Variants in TNRC6A observed in about 807,000 individuals in gnomAD.
The protein encoded by TNRC6A is trinucleotide repeat containing adaptor 6A.
TNRC6A carries 44 observed loss-of-function variants against 221.2 expected under a neutral mutation model. The ratio of observed to expected loss-of-function variants is 0.20; its 90% confidence interval spans 0.16 to 0.26. The LOEUF is 0.26. Ranked by LOEUF, TNRC6A falls within the 10% of genes least tolerant of loss-of-function variation. TNRC6A has a pLI of 1.00. For synonymous variants in TNRC6A, 847 were observed against 838.5 expected (o/e 1.01, Z -0.18); for missense variants, 2,199 against 2,404.4 (o/e 0.91, Z 1.79).
rs113020273 is a variant in TNRC6A at position 24,721,160 on chromosome 16, T to A, written n.403-29566T>A. On this transcript the variant is annotated intron_variant and non_coding_transcript_variant, in intron 2 of 2. Coordinates refer to the TNRC6A transcript ENST00000566108. ...ACTAGAACTCTTGATGAGGTTGAGA[T>A]GCAACCGGGTACAACCATTTTAGAC... is the stretch of plus-strand genomic sequence containing the variant. 7.9e-5 allele frequency among the ~76,000 whole-genome samples: 12 copies of A among 152,332 alleles called. 1 individual carries two copies. The highest frequency in any genetic ancestry group is 2.6e-4 in the African/African-American group (11 of 41,586).
intron 2 of TNRC6A, among the ~76,000 whole-genome samples, chr16:24,656,466 C>CA (rs71156432): frequency 0.74 from 90,505 of 122,666 alleles, 33,287 homozygotes; most frequent in East Asian, 0.84. Flanking sequence ...GACTCCATCT[C>CA]AAAAAAAAAA....
intron 2 of TNRC6A, among the ~76,000 whole-genome samples, chr16:24,697,946 G>A (rs1168472333): frequency 6.6e-6 from 1 of 151,076 alleles, no homozygotes; most frequent in Non-Finnish European, 1.5e-5. Context: ...GACTGAAGCA[G>A]GAGAATCACT....
At chr16:24,610,963 G>A (rs1808535) in intron 1 of TNRC6A, among the ~76,000 whole-genome samples, 93,295 of 151,652 alleles carry the variant, frequency 0.62, 29,556 homozygotes, top group Non-Finnish European at 0.68. Flanking sequence ...GGCGCCCACC[G>A]CCACACCCGT....
At chr16:24,664,918 G>C (rs992111573) in intron 2 of TNRC6A, 8 of 455,960 alleles carry the variant, frequency 1.8e-5, no homozygotes, top group South Asian at 1.2e-4. Context: ...CGGAAGTGAC[G>C]ACAGACAGAA....
chr16:24,617,579 C>A (rs1043844257), intron 1 of TNRC6A, among the ~76,000 whole-genome samples: 3 of 151,980 alleles, frequency 2.0e-5, no homozygotes, highest in African/African-American at 7.3e-5. Flanking sequence ...TAGCACTTAC[C>A]CTGTGTCAAG....
chr16:24,815,776 C>T (rs891628193), intron 19 of TNRC6A: 6 of 169,334 alleles, frequency 3.5e-5, no homozygotes, highest in African/African-American at 1.2e-4. Context: ...TGGCGTGAAC[C>T]CGGGAGGCAG....
At chr16:24,691,779 A>C (rs375801781) in intron 2 of TNRC6A, among the ~76,000 whole-genome samples, 205 of 150,054 alleles carry the variant, frequency 1.4e-3, no homozygotes, top group African/African-American at 4.8e-3. Flanking sequence ...AGAAAGAAAA[A>C]GAAATAAAAG....
chr16:24,684,168 G>A (rs1196688439), intron 2 of TNRC6A, among the ~76,000 whole-genome samples: 1 of 152,162 alleles, frequency 6.6e-6, no homozygotes, highest in Non-Finnish European at 1.5e-5. Flanking sequence ...GGAGACTGAG[G>A]TGGGAGGATT....
intron 3 of TNRC6A, among the ~76,000 whole-genome samples, chr16:24,753,612 T>G (rs968912423): frequency 1.3e-5 from 2 of 152,174 alleles, no homozygotes; most frequent in Admixed American, 1.3e-4. Context: ...ATAGCCCATA[T>G]GAGGAATTGT....
intron 2 of TNRC6A, among the ~76,000 whole-genome samples, chr16:24,738,423 A>G (rs1280316641): frequency 6.6e-6 from 1 of 152,002 alleles, no homozygotes; most frequent in Non-Finnish European, 1.5e-5. Flanking sequence ...CTTCACCCAA[A>G]AACCCCATAA....
At chr16:24,776,332 C>T (rs2057717157) in intron 4 of TNRC6A, 3 of 984,342 alleles carry the variant, frequency 3.0e-6, no homozygotes, top group East Asian at 1.1e-4. Context: ...TCATAGATAA[C>T]GTTATCTTTG....
At chr16:24,801,740 G>A (rs1432311776) in intron 11 of TNRC6A, among the ~76,000 whole-genome samples, 3 of 152,084 alleles carry the variant, frequency 2.0e-5, no homozygotes, top group Admixed American at 1.3e-4. Context: ...CTCCCAAAGC[G>A]CTGAGATTAC....
intron 1 of TNRC6A, among the ~76,000 whole-genome samples, chr16:24,634,697 A>G (rs1318547112): frequency 2.0e-5 from 3 of 152,192 alleles, no homozygotes; most frequent in Non-Finnish European, 4.4e-5. Flanking sequence ...TGAGGTTACA[A>G]GTCCAGGAAC....
rs117241966 is a variant in TNRC6A, at chr16:24,748,361, C to T, written c.54-2365C>T. Among the ~76,000 whole-genome samples, 1,293 of 152,270 alleles carry T rather than the reference C, an allele frequency of 8.5e-3. 11 individuals carry two copies. Among genetic ancestry groups the T allele is most frequent in the Non-Finnish European group, 0.014 (950 of 68,012 alleles). ...ACTCTGCTGCTCTCATATGCTGTGG[C>T]TTTCTTGCTCCTTGACTTCCCTGGG... On this transcript the variant is annotated intron_variant, in intron 2 of 24. Coordinates refer to ENST00000395799, the MANE Select transcript of TNRC6A (RefSeq NM_014494.4).
intron 2 of TNRC6A, among the ~76,000 whole-genome samples, chr16:24,669,967 T>TTTTTTTTTTTTTTG (rs2055259830): frequency 8.6e-6 from 1 of 116,886 alleles, no homozygotes; most frequent in Admixed American, 9.8e-5. Flanking sequence ...TTTTTTTTTT[T>TTTTTTTTTTTTTTG]TAGACAGAGT....
At chr16:24,822,622 G>A (rs1203389053) in intron 23 of TNRC6A, among the ~76,000 whole-genome samples, 1 of 152,162 alleles carries the variant, frequency 6.6e-6, no homozygotes, top group Non-Finnish European at 1.5e-5. Context: ...GAAGAGAGAA[G>A]ACATGGAGCC....
chr16:24,795,163 G>A (rs2058192862), intron 8 of TNRC6A, among the ~76,000 whole-genome samples: 1 of 152,054 alleles, frequency 6.6e-6, no homozygotes, highest in Non-Finnish European at 1.5e-5. Flanking sequence ...ATCCCAAAAG[G>A]TCCTGTGACA....
chr16:24,769,296 C>T (rs1425417675), intron 4 of TNRC6A, among the ~76,000 whole-genome samples: 3 of 151,998 alleles, frequency 2.0e-5, no homozygotes, highest in African/African-American at 7.2e-5. Context: ...CATTGTTTCA[C>T]AAAGTGGGGG....
At chr16:24,698,015 C>G (rs1473109118) in intron 2 of TNRC6A, among the ~76,000 whole-genome samples, 1 of 138,374 alleles carries the variant, frequency 7.2e-6, no homozygotes, top group South Asian at 2.3e-4. Flanking sequence ...CAGTGAGGCT[C>G]TGTCTCAAAA....
Sources: allele counts gnomAD v4.1 joint callset (sites outside exome capture counted in the v4.1 genomes callset), GRCh38; gene constraint gnomAD v4.1.1; transcripts MANE v1.5; gene names NCBI Gene and HGNC (gene_info 2026-07-23, HGNC 2026-07-21).